Variants in KALRN observed in about 807,000 individuals in gnomAD.
KALRN encodes kalirin RhoGEF kinase, also known as kalirin.
Under a neutral mutation model 353.7 loss-of-function variants are expected in KALRN, and 70 were observed. That is an observed-to-expected ratio of 0.20 (90% CI 0.16 to 0.24). KALRN has a LOEUF of 0.24. Ranked by LOEUF, KALRN falls within the 10% of genes least tolerant of loss-of-function variation. The pLI is 1.00. For synonymous variants in KALRN, 1,391 were observed against 1,434.8 expected (o/e 0.97, Z 0.69); for missense variants, 2,791 against 3,756.7 (o/e 0.74, Z 6.72).
In KALRN at chr3:124,399,111, T is replaced by G. The variant is rs530206690; in HGVS notation, c.2346+240T>G. Reference sequence around the variant, plus strand: ...GTAGATTACTTTCTTGAGAAGTTTTTTTTGTTTGTTTTTGTTCGTTTTGTT... The same window carrying G: ...GTAGATTACTTTCTTGAGAAGTTTTGTTTGTTTGTTTTTGTTCGTTTTGTT... On this transcript the variant is annotated intron_variant, in intron 13 of 59. Coordinates refer to ENST00000682506, the MANE Select transcript of KALRN (RefSeq NM_001388419.1). 1.1e-4 allele frequency among the ~76,000 whole-genome samples: 16 copies of G among 151,484 alleles called. No homozygotes were observed. In the South Asian group the frequency reaches 2.7e-3, roughly 26 times the overall value.
chr3:124,223,920 C>T (rs1320150701), intron 1 of KALRN, among the ~76,000 whole-genome samples: 1 of 152,164 alleles, frequency 6.6e-6, no homozygotes, highest in Non-Finnish European at 1.5e-5. Context: ...GGAGAAGACC[C>T]ATGCTGGAGG....
chr3:124,088,165 C>T (rs11721323), intron 1 of KALRN, among the ~76,000 whole-genome samples: 19,555 of 151,872 alleles, frequency 0.13, 1,624 homozygotes, highest in East Asian at 0.45. Context: ...GTGGACTTTT[C>T]GGGATGCCAA....
intron 16 of KALRN, among the ~76,000 whole-genome samples, chr3:124,432,682 C>T (rs1432680690): frequency 6.6e-6 from 1 of 152,182 alleles, no homozygotes; most frequent in Non-Finnish European, 1.5e-5. Flanking sequence ...AATGTATTCA[C>T]AGTGCTTGAA....
chr3:124,101,393 T>C (rs2149431601), intron 1 of KALRN, among the ~76,000 whole-genome samples: 1 of 152,236 alleles, frequency 6.6e-6, no homozygotes, highest in Non-Finnish European at 1.5e-5. Context: ...GAAAGAAAAA[T>C]CGTTTTCTGC....
At chr3:124,404,227 A>C (rs138766774) in intron 13 of KALRN, among the ~76,000 whole-genome samples, 4 of 151,688 alleles carry the variant, frequency 2.6e-5, no homozygotes, top group Admixed American at 2.6e-4. Context: ...GAAAATGTTT[A>C]TCATAGGCCT....
At chr3:124,511,832 C>T (rs1240657091) in intron 33 of KALRN, among the ~76,000 whole-genome samples, 1 of 152,176 alleles carries the variant, frequency 6.6e-6, no homozygotes, top group Non-Finnish European at 1.5e-5. Context: ...GGAAAGTATT[C>T]CTGGAACACA....
At chr3:124,492,981 G>GGATCATAAATTC in intron 32 of KALRN, 99 bp downstream of exon 32, 1 of 1,399,866 alleles carries the variant, frequency 7.1e-7, no homozygotes, top group Non-Finnish European at 9.8e-7. Context: ...TGCCCAGCAG[G>GGATCATAAATTC]TGGCACTCTC....
In KALRN at chr3:124,395,124, T is replaced by C; in HGVS notation, c.1963-11T>C. On this transcript the variant is annotated splice_polypyrimidine_tract_variant and intron_variant, in intron 11 of 59. Coordinates refer to ENST00000682506, the MANE Select transcript of KALRN (RefSeq NM_001388419.1). ...TCTTCCCTGAGTGGAATCTCTGCTC[T>C]CTCTCTACAGTTGTGGACATGGATG... 2.5e-6 allele frequency: 4 copies of C among 1,603,866 alleles called. No homozygotes were observed. Among genetic ancestry groups the C allele is most frequent in the Non-Finnish European group, 3.4e-6 (4 of 1,171,776 alleles).
intron 46 of KALRN, 59 bp from the exon 47 acceptor site, chr3:124,666,953 T>C (rs545839107): frequency 2.2e-4 from 333 of 1,513,482 alleles, no homozygotes; most frequent in Admixed American, 1.1e-3. Context: ...AAGAGTAATA[T>C]GTTGCTGATT....
intron 6 of KALRN, among the ~76,000 whole-genome samples, chr3:124,310,882 C>G (rs1281178568): frequency 6.6e-6 from 1 of 151,982 alleles, no homozygotes; most frequent in South Asian, 2.1e-4. Flanking sequence ...GGAGTTATGT[C>G]TGCAATCTAT....
chr3:124,117,830 A>C (rs973901435), intron 1 of KALRN, among the ~76,000 whole-genome samples: 1 of 152,216 alleles, frequency 6.6e-6, no homozygotes, highest in Non-Finnish European at 1.5e-5. Context: ...AGTTTCTAAG[A>C]TAATGGAATT....
At chr3:124,295,163 C>T (rs1455159448) in intron 5 of KALRN, among the ~76,000 whole-genome samples, 2 of 152,184 alleles carry the variant, frequency 1.3e-5, no homozygotes, top group Non-Finnish European at 2.9e-5. Context: ...AAGTTTAGGT[C>T]TAGAGAAGAT....
intron 3 of KALRN, among the ~76,000 whole-genome samples, chr3:124,237,736 G>C (rs557879709): frequency 2.6e-5 from 4 of 152,152 alleles, no homozygotes; most frequent in Admixed American, 6.5e-5. Context: ...CTCTATGCCA[G>C]GTAGATTGAG....
At chr3:124,537,985 G>C (rs2068672868) in intron 33 of KALRN, among the ~76,000 whole-genome samples, 1 of 152,212 alleles carries the variant, frequency 6.6e-6, no homozygotes, top group African/African-American at 2.4e-5. Context: ...AATCAAAAAA[G>C]AAACAAGCAA....
intron 10 of KALRN, among the ~76,000 whole-genome samples, chr3:124,369,551 T>G (rs938759025): frequency 1.3e-5 from 2 of 152,242 alleles, no homozygotes; most frequent in African/African-American, 2.4e-5. Context: ...GAATAATGTA[T>G]AGCTAATTAA....
chr3:124,531,916 T>C (rs1408986850), intron 33 of KALRN, among the ~76,000 whole-genome samples: 1 of 152,250 alleles, frequency 6.6e-6, no homozygotes. Flanking sequence ...GGGTCAGTGC[T>C]AACGTCAATG....
At position 124,706,107 on chromosome 3, in the gene KALRN, A is replaced by G. The variant is rs531803727; in HGVS notation, c.8075+3991A>G. On this transcript the variant is annotated intron_variant, in intron 57 of 59. Transcript: ENST00000682506. Reference sequence around the variant, plus strand: ...TTTTTCATAGAGACAAGGTCTCCCTATGTTGCCCAGGTTGGTCTCGAATTC... The same window carrying G: ...TTTTTCATAGAGACAAGGTCTCCCTGTGTTGCCCAGGTTGGTCTCGAATTC... Among the ~76,000 whole-genome samples the G allele has an allele frequency of 1.5e-3, 229 of 152,162 alleles. 1 individual carries two copies. Among genetic ancestry groups the G allele is most frequent in the African/African-American group, 5.3e-3 (222 of 41,512 alleles).
At chr3:124,054,212 T>G (rs1437639473) in intron 1 of KALRN, among the ~76,000 whole-genome samples, 2 of 152,094 alleles carry the variant, frequency 1.3e-5, no homozygotes, top group Non-Finnish European at 2.9e-5. Flanking sequence ...TATATCTTCC[T>G]TTTCCTGCTT....
intron 1 of KALRN, among the ~76,000 whole-genome samples, chr3:124,157,841 A>G (rs1325963669): frequency 2.0e-5 from 3 of 152,126 alleles, no homozygotes; most frequent in African/African-American, 7.2e-5. Flanking sequence ...TGCATTCAGA[A>G]AATTCCACCT....
Sources: allele counts gnomAD v4.1 joint callset (sites outside exome capture counted in the v4.1 genomes callset), GRCh38; gene constraint gnomAD v4.1.1; transcripts MANE v1.5; gene names NCBI Gene and HGNC (gene_info 2026-07-23, HGNC 2026-07-21).